UGP2: variants seen among roughly 807,000 people sequenced by gnomAD.
The protein encoded by UGP2 is UDP-glucose pyrophosphorylase 2.
UGP2 carries 40 observed loss-of-function variants against 49.0 expected under a neutral mutation model. The ratio of observed to expected loss-of-function variants is 0.82; its 90% CI spans 0.63 to 1.06. UGP2 has a LOEUF of 1.06. Among genes scored for constraint, UGP2 ranks in the 50% least tolerant of loss-of-function variants. UGP2 has a pLI of 0.00. For synonymous variants in UGP2, 225 were observed against 213.0 expected (o/e 1.06, Z -0.49); for missense variants, 460 against 603.5 (o/e 0.76, Z 2.49).
intron 1 of UGP2, among the ~76,000 whole-genome samples, chr2:63,845,400 G>C (rs1287542039): frequency 1.3e-5 from 2 of 151,948 alleles, no homozygotes; most frequent in African/African-American, 2.4e-5. Context: ...CTTTCAGATA[G>C]CATTGCCACC....
In UGP2 at chr2:63,891,314, A is replaced by C. The variant is rs1672138283; in HGVS notation, c.*87A>C. Reference sequence around the variant, plus strand: ...GGATTCTAAAATAGGCAGGTACTTTACTATGTTACTGTACCCTGCAGTGTT... The same window carrying C: ...GGATTCTAAAATAGGCAGGTACTTTCCTATGTTACTGTACCCTGCAGTGTT... On this transcript the variant is annotated 3_prime_UTR_variant, in exon 10 of 10. Transcript: ENST00000337130. The C allele has an allele frequency of 2.7e-6, 3 of 1,126,528 alleles. No individual in the cohort carries two copies. The highest frequency in any genetic ancestry group is 2.4e-5 in the East Asian group (1 of 41,080). The allele number at this position is 1,126,528 out of a possible 1,614,324, so 69.8% of individuals were successfully genotyped here.
rs2104365301 is a variant in UGP2, at chr2:63,887,386, C to A, written c.1072-16C>A. On this transcript the variant is annotated splice_polypyrimidine_tract_variant and intron_variant, in intron 7 of 9. Coordinates refer to ENST00000337130, the MANE Select transcript of UGP2 (RefSeq NM_006759.4). ...AAAACCTCTGTTTTCTATTCCCCAC[C>A]CCTAATTTCTTACAGACTTTGGATG... The A allele has an allele frequency of 1.2e-6, 2 of 1,613,650 alleles. No individual in the cohort carries two copies. The highest frequency in any genetic ancestry group is 1.7e-6 in the Non-Finnish European group (2 of 1,179,786).
intron 3 of UGP2, among the ~76,000 whole-genome samples, chr2:63,863,808 A>G (rs919417480): frequency 1.3e-5 from 2 of 152,184 alleles, no homozygotes; most frequent in African/African-American, 4.8e-5. Context: ...GTGAAAATAT[A>G]TGAAAGATAG....
At chr2:63,861,667 AAC>A (rs1468172546) in intron 3 of UGP2, among the ~76,000 whole-genome samples, 2 of 149,756 alleles carry the variant, frequency 1.3e-5, no homozygotes, top group Non-Finnish European at 3.0e-5. Context: ...CAGCCTGGGC[AAC>A]AGAGTGAGAT....
rs2104372579 is a variant in UGP2, at chr2:63,889,885, ATGTT to A, written c.1315-192_1315-189del. ...TTGTAAATTGCTTGGTGTAAAAACA[ATGTT>A]TGTAGCTCCTGGTCTTTCCTGCACG... On this transcript the variant is annotated intron_variant, in intron 8 of 9. Coordinates refer to ENST00000337130, the MANE Select transcript of UGP2 (RefSeq NM_006759.4). 8.1e-6 allele frequency: 4 copies of A among 491,888 alleles called. No individual in the cohort carries two copies. The East Asian group carries it at 1.4e-4, about 17-fold the overall frequency. The allele number at this position is 491,888 out of a possible 1,614,324, so 30.5% of individuals were successfully genotyped here.
chr2:63,847,072 C>T (rs932977127), intron 1 of UGP2, among the ~76,000 whole-genome samples: 3 of 151,944 alleles, frequency 2.0e-5, no homozygotes, highest in African/African-American at 7.3e-5. Context: ...CTCAGCCTTT[C>T]TTCTAATAAG....
intron 1 of UGP2, 166 bp downstream of exon 1, chr2:63,842,370 A>G (rs1423698894): frequency 1.2e-6 from 2 of 1,600,412 alleles, no homozygotes; most frequent in Non-Finnish European, 1.7e-6. Flanking sequence ...TGCTGGGTTG[A>G]CGTTCCAGAC....
At chr2:63,841,535 G>T (rs527691879), upstream of UGP2, among the ~76,000 whole-genome samples, 1 of 152,290 alleles carries the variant, frequency 6.6e-6, no homozygotes, top group South Asian at 2.1e-4. Context: ...TTCACTGCTC[G>T]AGGCGGGAAG....
chr2:63,846,315 A>T (rs1671928270), intron 1 of UGP2: 1 of 152,204 alleles, frequency 6.6e-6, no homozygotes, highest in Non-Finnish European at 1.5e-5. Flanking sequence ...GCTTTTAAAA[A>T]GTTCTGAGAG....
chr2:63,872,050 A>C (rs140745386), intron 3 of UGP2, among the ~76,000 whole-genome samples: 2,684 of 152,370 alleles, frequency 0.018, 33 homozygotes, highest in Non-Finnish European at 0.022. Flanking sequence ...GAGTATGGCT[A>C]TGTTCCAATA....
At chr2:63,878,300 A>G (rs1280345785) in intron 3 of UGP2, among the ~76,000 whole-genome samples, 1 of 152,136 alleles carries the variant, frequency 6.6e-6, no homozygotes, top group Admixed American at 6.5e-5. Flanking sequence ...AGCAGGTGAA[A>G]AGTGTGAGTG....
chr2:63,890,005 C>T (rs1671976552), intron 8 of UGP2, 76 bp from the exon 9 acceptor site: 9 of 1,181,580 alleles, frequency 7.6e-6, no homozygotes, highest in Non-Finnish European at 1.1e-5. Flanking sequence ...TTCAGTTAAA[C>T]TTTCTTGTTA....
At chr2:63,877,221 G>C (rs963058256) in intron 3 of UGP2, among the ~76,000 whole-genome samples, 1 of 152,226 alleles carries the variant, frequency 6.6e-6, no homozygotes, top group Non-Finnish European at 1.5e-5. Context: ...TTTGGTCAAC[G>C]GAGGTTGTTG....
chr2:63,864,275 A>G (rs562299317), intron 3 of UGP2, among the ~76,000 whole-genome samples: 1 of 152,310 alleles, frequency 6.6e-6, no homozygotes, highest in African/African-American at 2.4e-5. Flanking sequence ...AAGTCACCTA[A>G]GAGAAGGGGC....
chr2:63,883,959 G>A lies in UGP2; in HGVS notation c.442-1G>A. The stretch of plus-strand genomic sequence containing the variant: ...AATCTAATTGTCATTTTCCTCCCTA[G>A]CATTTGAATAAAACCTACAATACAG... On this transcript the variant is annotated splice_acceptor_variant, in intron 4 of 9. Coordinates refer to ENST00000337130, the MANE Select transcript of UGP2 (RefSeq NM_006759.4). LOFTEE classifies it high-confidence loss of function. 6.3e-7 allele frequency: 1 copy of A among 1,598,400 alleles called. No homozygotes were observed. The highest frequency in any genetic ancestry group is 8.5e-7 in the Non-Finnish European group (1 of 1,174,816).
chr2:63,844,841 T>C (rs1286077595), intron 1 of UGP2, among the ~76,000 whole-genome samples: 2 of 152,310 alleles, frequency 1.3e-5, no homozygotes, highest in East Asian at 3.9e-4. Context: ...GGATTACAGG[T>C]GTGAGCTGCT....
intron 7 of UGP2, among the ~76,000 whole-genome samples, chr2:63,887,170 A>G (rs1201013771): frequency 6.6e-6 from 1 of 152,032 alleles, no homozygotes; most frequent in African/African-American, 2.4e-5. Context: ...AAGCTGAGGC[A>G]TAAGAATTGC....
chr2:63,874,324 AGAGGTAAAG>A (rs953387338), intron 3 of UGP2, among the ~76,000 whole-genome samples: 71 of 152,184 alleles, frequency 4.7e-4, no homozygotes, highest in Non-Finnish European at 5.9e-5. Flanking sequence ...TGGGTTGGAA[AGAGGTAAAG>A]GATCATAGAG....
chr2:63,886,069 G>T, intron 6 of UGP2, among the ~76,000 whole-genome samples, 183 bp downstream of exon 6: 1 of 151,886 alleles, frequency 6.6e-6, no homozygotes, highest in African/African-American at 2.4e-5. Flanking sequence ...TATTTTTTTG[G>T]ATAAGCTACA....
Sources: gnomAD v4.1 joint callset for allele counts (sites outside exome capture counted in the v4.1 genomes callset) on GRCh38, gnomAD v4.1.1 for gene constraint, MANE v1.5 for transcripts, NCBI Gene and HGNC (gene_info 2026-07-23, HGNC 2026-07-21) for gene names.